SLC6A16: variants seen among roughly 807,000 people sequenced by gnomAD.
The protein encoded by SLC6A16 is orphan sodium- and chloride-dependent neurotransmitter transporter NTT5.
A neutral mutation model predicts 65.4 loss-of-function variants in SLC6A16; 54 were observed. The ratio of observed to expected loss-of-function variants is 0.83; its 90% confidence interval spans 0.66 to 1.04. SLC6A16 has a LOEUF of 1.04. Among genes scored for constraint, SLC6A16 ranks in the 50% least tolerant of loss-of-function variants. The pLI is 0.00. For missense variants in SLC6A16, 816 were observed against 914.0 expected (o/e 0.89, Z 1.38); for synonymous variants, 330 against 346.5 (o/e 0.95, Z 0.53).
upstream of SLC6A16, among the ~76,000 whole-genome samples, chr19:49,326,510 A>G (rs1267148606): frequency 6.6e-6 from 1 of 152,184 alleles, no homozygotes; most frequent in Admixed American, 6.5e-5. Flanking sequence ...AAAGAGATGA[A>G]GAGGAAATTT....
chr19:49,294,358 T>G lies in SLC6A16; in HGVS notation c.1416+9A>C. The G allele has an allele frequency of 6.2e-7, 1 of 1,613,412 alleles. No individual in the cohort carries two copies. ...ACTCTAGGCTCCCCCCTCAGCTATG[T>G]TTACTGACCTTAAGAAACTGAGTCT... is the stretch of plus-strand genomic sequence containing the variant. On this transcript the variant is annotated intron_variant, in intron 8 of 11. Coordinates refer to ENST00000335875, the MANE Select transcript of SLC6A16 (RefSeq NM_014037.3).
chr19:49,308,409 C>T (rs372660337), intron 7 of SLC6A16, among the ~76,000 whole-genome samples: 15 of 152,092 alleles, frequency 9.9e-5, no homozygotes, highest in East Asian at 5.8e-4. Context: ...GCCAAGTTCG[C>T]GCCACTGCAC....
chr19:49,316,114 TTA>T (rs1970609536), intron 1 of SLC6A16, among the ~76,000 whole-genome samples: 1 of 152,168 alleles, frequency 6.6e-6, no homozygotes. Flanking sequence ...TGAAAATTAT[TTA>T]TATGTCTATG....
the SLC6A16 span, chr19:49,338,057 C>A: frequency 6.2e-7 from 1 of 1,608,636 alleles, no homozygotes; most frequent in East Asian, 2.2e-5. This position sits in a 1 kb window ranked among gnomAD's most constrained non-coding sequence, Gnocchi z 5.0. Context: ...AGTTCCCTCC[C>A]GGACTGACCC....
rs145416742 is a variant in SLC6A16 at position 49,314,603 on chromosome 19, C to A, written c.-64-3192G>T. On this transcript the variant is annotated intron_variant, in intron 1 of 11. Coordinates refer to ENST00000335875, the MANE Select transcript of SLC6A16 (RefSeq NM_014037.3). ...TGCATAGTATTACTGTATCTCCCCA[C>A]AAGATATTCCCCCCAAAAAAACCCA... is the stretch of plus-strand genomic sequence containing the variant. Among the ~76,000 whole-genome samples the A allele has an allele frequency of 4.0e-3, 603 of 152,238 alleles. 3 individuals carry two copies. Among genetic ancestry groups the A allele is most frequent in the African/African-American group, 0.013 (559 of 41,544 alleles).
At chr19:49,338,709 T>C in the SLC6A16 span, 5 of 1,610,862 alleles carry the variant, frequency 3.1e-6, no homozygotes, top group African/African-American at 4.0e-5. The surrounding 1 kb of genome is among the most constrained non-coding windows in gnomAD (Gnocchi z 5.0). Context: ...GCTGCGCTGC[T>C]GCGGCTGGCA....
chr19:49,311,356 G>A lies in SLC6A16; in HGVS notation c.-9C>T. On this transcript the variant is annotated 5_prime_UTR_variant, in exon 2 of 12. Transcript: ENST00000335875. ...TGGGCCTCTGTCTTCATCTCACACA[G>A]ACTCTCTGGGGCAGCTCCCGCTTCT... 1 of 1,560,994 alleles carries A rather than the reference G, an allele frequency of 6.4e-7. No individual in the cohort carries two copies. The highest frequency in any genetic ancestry group is 8.7e-7 in the Non-Finnish European group (1 of 1,153,968).
At chr19:49,331,857 T>G in the SLC6A16 span, 1 of 456,380 alleles carries the variant, frequency 2.2e-6, no homozygotes, top group Non-Finnish European at 4.4e-6. Context: ...ACCAAGTTGG[T>G]GAGCATCAAA....
At chr19:49,323,845 C>T (rs774832818) in intron 1 of SLC6A16, among the ~76,000 whole-genome samples, 5 of 152,154 alleles carry the variant, frequency 3.3e-5, no homozygotes, top group Non-Finnish European at 7.3e-5. Flanking sequence ...TATGATCCAG[C>T]AATTCCACTT....
intron 7 of SLC6A16, among the ~76,000 whole-genome samples, chr19:49,308,491 C>G (rs756328775): frequency 6.6e-6 from 1 of 152,102 alleles, no homozygotes; most frequent in Non-Finnish European, 1.5e-5. Flanking sequence ...GGGCCTTCTA[C>G]TTCTCCATTT....
In SLC6A16 at chr19:49,293,345, G is replaced by A. The variant is rs764703807; in HGVS notation, c.1656C>T (p.Phe552=). The change falls in exon 10 of 12, where the codon TTC becomes TTT. Residue 552 remains phenylalanine (F), a synonymous_variant. Coordinates refer to ENST00000335875, the MANE Select transcript of SLC6A16 (RefSeq NM_014037.3). ...VFLLMFVCGL[F]FTRPSGSYFI... ...AGTAGCTGCCTGAAGGTCGAGTGAA[G>A]AAGAGGCCGCACACGAACATGAGCA... 6.2e-7 allele frequency: 1 copy of A among 1,614,210 alleles called. No homozygotes were observed. The highest frequency in any genetic ancestry group is 1.1e-5 in the South Asian group (1 of 91,086).
chr19:49,330,481 A>G, the SLC6A16 span, among the ~76,000 whole-genome samples: 1 of 152,190 alleles, frequency 6.6e-6, no homozygotes, highest in South Asian at 2.1e-4. Context: ...TAGAAGCTAG[A>G]AAAAGGACGA....
chr19:49,311,711 T>G (rs552109425), intron 1 of SLC6A16, among the ~76,000 whole-genome samples: 2 of 151,334 alleles, frequency 1.3e-5, no homozygotes, highest in South Asian at 4.2e-4. Context: ...TAGCTGTGTA[T>G]AGTGGCAGGC....
the SLC6A16 span, chr19:49,339,208 C>G: frequency 1.2e-6 from 1 of 863,040 alleles, no homozygotes; most frequent in African/African-American, 1.7e-5. The surrounding 1 kb of genome is among the most constrained non-coding windows in gnomAD (Gnocchi z 4.5). Flanking sequence ...GACTAGAGTG[C>G]CCTGGTGACT....
At chr19:49,318,866 CTA>C (rs1970658807) in intron 1 of SLC6A16, among the ~76,000 whole-genome samples, 1 of 81,962 alleles carries the variant, frequency 1.2e-5, no homozygotes, top group African/African-American at 4.6e-5. Context: ...CCACAACTGG[CTA>C]TTTTTTTTTT....
At chr19:49,337,879 G>A in the SLC6A16 span, 13 of 1,611,260 alleles carry the variant, frequency 8.1e-6, no homozygotes, top group South Asian at 9.9e-5. Context: ...GAGGGGGAGG[G>A]GTGGGGCGGG....
chr19:49,309,905 T>C lies in SLC6A16; in HGVS notation c.701-79A>G, dbSNP rs1970478486. 2.0e-6 allele frequency: 3 copies of C among 1,506,808 alleles called. No homozygotes were observed. The African/African-American group carries it at 4.2e-5, about 21-fold the overall frequency. The allele number at this position is 1,506,808 out of a possible 1,614,324, so 93.3% of individuals were successfully genotyped here. On this transcript the variant is annotated intron_variant, in intron 4 of 11. Coordinates refer to ENST00000335875, the MANE Select transcript of SLC6A16 (RefSeq NM_014037.3). ...CCTTATCCCCTCCCCCACCTCCCTTTTCTCTTTCCCTCTCCCATTTCTTTT... is the reference window on the plus strand; with the variant it reads ...CCTTATCCCCTCCCCCACCTCCCTTCTCTCTTTCCCTCTCCCATTTCTTTT...
At chr19:49,337,224 G>A in the SLC6A16 span, 33 of 1,613,918 alleles carry the variant, frequency 2.0e-5, no homozygotes, top group Non-Finnish European at 2.5e-5. Context: ...GGGCCCAGGT[G>A]AGCTTCCTGC....
the SLC6A16 span, among the ~76,000 whole-genome samples, chr19:49,332,511 T>A: frequency 6.6e-6 from 1 of 151,396 alleles, no homozygotes; most frequent in Non-Finnish European, 1.5e-5. Flanking sequence ...TGAGCCGAGA[T>A]CACACCACAG....
Sources: gnomAD v4.1 joint callset for allele counts (sites outside exome capture counted in the v4.1 genomes callset) on GRCh38, gnomAD v4.1.1 for gene constraint, Gnocchi (gnomAD v3.1) non-coding constraint, MANE v1.5 for transcripts, NCBI Gene and HGNC (gene_info 2026-07-23, HGNC 2026-07-21) for gene names.